The following GLIS3 variants were observed in gnomAD, a reference collection of about 807,000 sequenced individuals.
GLIS3 encodes the protein zinc finger protein GLIS3.
Under a neutral mutation model 78.6 loss-of-function variants are expected in GLIS3, and 53 were observed. The observed-to-expected ratio is 0.67, with a 90% CI of 0.54 to 0.85. GLIS3 has a LOEUF of 0.85. Ranked by LOEUF, GLIS3 falls within the 40% of genes least tolerant of loss-of-function variation. GLIS3 has a pLI of 0.00. For synonymous variants in GLIS3, 684 were observed against 509.9 expected, an observed-to-expected ratio of 1.34 and a Z score of -4.60; for missense variants, 1,703 against 1,231.1, an observed-to-expected ratio of 1.38 and a Z score of -5.74.
At chr9:4,338,618 T>C (rs1342322488) in intron 2 of GLIS3, among the ~76,000 whole-genome samples, 1 of 152,142 alleles carries the variant, frequency 6.6e-6, no homozygotes, top group African/African-American at 2.4e-5. Context: ...GCATGTGACT[T>C]GTTCACAGGC....
chr9:4,358,620 G>A, the GLIS3 span, among the ~76,000 whole-genome samples: 1 of 152,178 alleles, frequency 6.6e-6, no homozygotes, highest in Non-Finnish European at 1.5e-5. Flanking sequence ...CTATTTAGAT[G>A]GGAGTTTTGC....
chr9:4,148,929 C>T (rs1201921662), intron 2 of GLIS3, among the ~76,000 whole-genome samples: 1 of 152,084 alleles, frequency 6.6e-6, no homozygotes, highest in Non-Finnish European at 1.5e-5. Context: ...ACACAAAGCT[C>T]GTCCCTATCA....
the GLIS3 span, among the ~76,000 whole-genome samples, chr9:4,406,535 G>C: frequency 2.0e-5 from 3 of 152,068 alleles, no homozygotes; most frequent in Non-Finnish European, 4.4e-5. Flanking sequence ...GGTCAGATAT[G>C]ATCTTATACT....
intron 1 of GLIS3, among the ~76,000 whole-genome samples, chr9:4,347,831 A>T (rs769303004): frequency 2.0e-5 from 3 of 151,980 alleles, no homozygotes; most frequent in Admixed American, 6.6e-5. Flanking sequence ...GAACACAACT[A>T]TTTTACTGGG....
intron 4 of GLIS3, among the ~76,000 whole-genome samples, chr9:3,986,929 A>G (rs1234698444): frequency 6.6e-6 from 1 of 152,216 alleles, no homozygotes; most frequent in East Asian, 1.9e-4. Context: ...TCACCCATCA[A>G]CTAAGAACCA....
chr9:3,951,166 T>C (rs1367509336), intron 4 of GLIS3, among the ~76,000 whole-genome samples: 1 of 152,212 alleles, frequency 6.6e-6, no homozygotes, highest in African/African-American at 2.4e-5. Context: ...CTTCACTAAA[T>C]ACATATGGTG....
At chr9:4,160,030 T>A (rs944497590) in intron 2 of GLIS3, among the ~76,000 whole-genome samples, 1 of 151,898 alleles carries the variant, frequency 6.6e-6, no homozygotes, top group Admixed American at 6.5e-5. Context: ...GAACACAAAA[T>A]AATGCAAACG....
intron 3 of GLIS3, among the ~76,000 whole-genome samples, chr9:4,122,664 A>G (rs1274164675): frequency 2.6e-5 from 4 of 152,332 alleles, no homozygotes; most frequent in South Asian, 4.1e-4. Flanking sequence ...TGAAAATTCA[A>G]TCATAAAATG....
chr9:4,370,402 T>C, the GLIS3 span, among the ~76,000 whole-genome samples: 1 of 152,114 alleles, frequency 6.6e-6, no homozygotes, highest in East Asian at 1.9e-4. Flanking sequence ...TAGCCCAGTG[T>C]TGCGTGTTTC....
At chr9:4,150,627 T>C (rs1405933859) in intron 2 of GLIS3, among the ~76,000 whole-genome samples, 1 of 152,306 alleles carries the variant, frequency 6.6e-6, no homozygotes, top group East Asian at 1.9e-4. Context: ...TAAACCAGAA[T>C]AGATGATGAA....
At chr9:4,268,492 A>T (rs1379019494) in intron 2 of GLIS3, among the ~76,000 whole-genome samples, 1 of 152,198 alleles carries the variant, frequency 6.6e-6, no homozygotes, top group Admixed American at 6.5e-5. Flanking sequence ...TACCAGCTTC[A>T]TTTGATATAG....
chr9:4,121,257 G>C (rs983635452), intron 3 of GLIS3, among the ~76,000 whole-genome samples: 1 of 152,182 alleles, frequency 6.6e-6, no homozygotes, highest in African/African-American at 2.4e-5. Flanking sequence ...GCTCCCAGTG[G>C]AAGTTCTCTT....
intron 4 of GLIS3, among the ~76,000 whole-genome samples, chr9:4,013,274 C>G (rs1173209905): frequency 6.6e-6 from 1 of 152,164 alleles, no homozygotes; most frequent in East Asian, 1.9e-4. Flanking sequence ...ACGTGACAGA[C>G]TTTTAGACAG....
intron 2 of GLIS3, among the ~76,000 whole-genome samples, chr9:4,258,442 A>C (rs1825189212): frequency 6.6e-6 from 1 of 152,246 alleles, no homozygotes; most frequent in Admixed American, 6.5e-5. Flanking sequence ...CCTTAGTCAG[A>C]GAACTGGCCT....
intron 7 of GLIS3, among the ~76,000 whole-genome samples, chr9:3,891,065 T>TC (rs1463649216): frequency 4.9e-5 from 1 of 20,344 alleles, no homozygotes; most frequent in East Asian, 1.1e-3. Context: ...CCTTCCTTCC[T>TC]CAAAAAAAAA....
At chr9:4,478,674 A>G in the GLIS3 span, among the ~76,000 whole-genome samples, 1 of 152,142 alleles carries the variant, frequency 6.6e-6, no homozygotes, top group African/African-American at 2.4e-5. Context: ...TGAGAAAACC[A>G]ACCAAGGGAA....
intron 2 of GLIS3, among the ~76,000 whole-genome samples, chr9:4,151,517 C>G (rs1834678374): frequency 1.3e-5 from 2 of 152,162 alleles, no homozygotes; most frequent in Non-Finnish European, 2.9e-5. Context: ...TGGAACTTGA[C>G]AGCATAATTT....
intron 2 of GLIS3, among the ~76,000 whole-genome samples, chr9:4,127,491 G>A (rs806046): frequency 0.056 from 8,546 of 151,652 alleles, 306 homozygotes; most frequent in African/African-American, 0.1. Flanking sequence ...TTCTGTTTTC[G>A]TAACTCATAA....
intron 2 of GLIS3, among the ~76,000 whole-genome samples, chr9:4,129,552 C>G (rs1253864313): frequency 6.6e-6 from 1 of 152,192 alleles, no homozygotes; most frequent in African/African-American, 2.4e-5. Flanking sequence ...CTCCCCCTCT[C>G]TCTCTTCCTC....
Sources: allele counts gnomAD v4.1 joint callset (sites outside exome capture counted in the v4.1 genomes callset), GRCh38; gene constraint gnomAD v4.1.1; transcripts MANE v1.5; gene names NCBI Gene and HGNC (gene_info 2026-07-23, HGNC 2026-07-21).